FMN1: variants seen among roughly 807,000 people sequenced by gnomAD.
FMN1 encodes formin 1, also known as formin-1.
In FMN1, 110 loss-of-function variants were observed where a neutral mutation model predicts 132.4. The ratio of observed to expected loss-of-function variants is 0.83; its 90% CI spans 0.71 to 0.97. The LOEUF is 0.97. FMN1 is among the 50% of genes least tolerant of loss of function. The pLI is 0.00. For synonymous variants in FMN1, 722 were observed against 651.7 expected (o/e 1.11, Z -1.64); for missense variants, 1,792 against 1,705.3 (o/e 1.05, Z -0.90).
At chr15:33,102,272 T>A (rs554609143) in intron 4 of FMN1, among the ~76,000 whole-genome samples, 14 of 152,278 alleles carry the variant, frequency 9.2e-5, no homozygotes, top group African/African-American at 3.4e-4. Context: ...AAGACATAAT[T>A]TCCCCCTTAA....
At chr15:33,036,064 C>T in intron 6 of FMN1, among the ~76,000 whole-genome samples, 1 of 152,204 alleles carries the variant, frequency 6.6e-6, no homozygotes, top group Non-Finnish European at 1.5e-5. Flanking sequence ...GTACCTTGAT[C>T]TTGAACTTCT....
chr15:32,916,855 C>T (rs959027614), intron 10 of FMN1, among the ~76,000 whole-genome samples: 4 of 152,064 alleles, frequency 2.6e-5, no homozygotes, highest in East Asian at 1.9e-4. Flanking sequence ...TTTCAGAACT[C>T]GACAGAAATT....
chr15:32,911,790 A>T (rs2060567494), intron 10 of FMN1, among the ~76,000 whole-genome samples: 1 of 152,188 alleles, frequency 6.6e-6, no homozygotes, highest in Non-Finnish European at 1.5e-5. Context: ...GTCACCTCAG[A>T]TTCCACCAAG....
At chr15:32,984,295 T>A (rs941222848) in intron 7 of FMN1, among the ~76,000 whole-genome samples, 6 of 152,166 alleles carry the variant, frequency 3.9e-5, no homozygotes, top group African/African-American at 1.4e-4. Context: ...TGCAATAGAT[T>A]AATATTTTTT....
In FMN1 at chr15:33,023,973, A is replaced by C. The variant is rs536482445; in HGVS notation, c.2162-15898T>G. Reference sequence around the variant, plus strand: ...TGAAAGATGGCAGGAGAAACTGATAAGCCACATAAATGGAGAAGACATTTG... The same window carrying C: ...TGAAAGATGGCAGGAGAAACTGATACGCCACATAAATGGAGAAGACATTTG... On this transcript the variant is annotated intron_variant, in intron 6 of 20. Transcript: ENST00000616417. Among the ~76,000 whole-genome samples, 187 of 152,300 alleles carry C rather than the reference A, an allele frequency of 1.2e-3. 1 individual carries two copies. Among genetic ancestry groups the C allele is most frequent in the Non-Finnish European group, 2.0e-3 (137 of 68,022 alleles).
intron 6 of FMN1, among the ~76,000 whole-genome samples, chr15:33,054,616 A>G (rs1393627008): frequency 2.6e-5 from 4 of 152,338 alleles, no homozygotes; most frequent in African/African-American, 4.8e-5. Flanking sequence ...CCTCTTCTAC[A>G]TGAAATGGTC....
At chr15:32,845,494 T>C (rs1303677156) in intron 17 of FMN1, among the ~76,000 whole-genome samples, 1 of 152,192 alleles carries the variant, frequency 6.6e-6, no homozygotes, top group African/African-American at 2.4e-5. Flanking sequence ...TGCTTATTTC[T>C]ATTTACCCCT....
In FMN1 at chr15:33,065,026, GAA is replaced by G; in HGVS notation, c.2090_2091del (p.Leu697ProfsTer22). On this transcript the variant is annotated frameshift_variant, in exon 6 of 21. Transcript: ENST00000616417. LOFTEE classifies it high-confidence loss of function. ...GTCTTTGGGGGTGGCCAGACAGCTT[GAA>G]GTCTGCCAGGAGTCCTGTCATCCTG... The part of the protein sequence containing the change: ...TEQDDRTPGR[L>X]QAVWPPPKTK... 1.2e-6 allele frequency: 2 copies of G among 1,611,934 alleles called. No homozygotes were observed. Among genetic ancestry groups the G allele is most frequent in the Non-Finnish European group, 1.7e-6 (2 of 1,179,018 alleles).
At chr15:33,039,654 CCTT>C (rs2036339628) in intron 6 of FMN1, among the ~76,000 whole-genome samples, 1 of 152,142 alleles carries the variant, frequency 6.6e-6, no homozygotes, top group Non-Finnish European at 1.5e-5. Context: ...CAAATTATCT[CCTT>C]CTGTTCTTTT....
intron 4 of FMN1, among the ~76,000 whole-genome samples, chr15:33,111,810 C>T (rs538671091): frequency 1.3e-5 from 2 of 152,068 alleles, no homozygotes; most frequent in South Asian, 2.1e-4. Flanking sequence ...TGGTGAGTGA[C>T]TTCTGATGGT....
rs2038793214 is a variant in FMN1, at chr15:33,088,690, T to A, written c.2043+109A>T. On this transcript the variant is annotated intron_variant, in intron 5 of 20. Coordinates refer to ENST00000616417, the MANE Select transcript of FMN1 (RefSeq NM_001277313.2). ...CCCACTGATTTTTTTTAAACAATGA[T>A]CCATACATTAAATGCAGCTTTATAT... is the stretch of plus-strand genomic sequence containing the variant. The A allele has an allele frequency of 1.2e-5, 12 of 960,502 alleles. No individual in the cohort carries two copies. The South Asian group carries it at 2.7e-4, about 21-fold the overall frequency. The allele number at this position is 960,502 out of a possible 1,614,324, so 59.5% of individuals were successfully genotyped here. A position where few individuals can be genotyped will look rare whatever the true frequency, so the allele number is the denominator to read the frequency against.
intron 17 of FMN1, among the ~76,000 whole-genome samples, chr15:32,821,449 CTTTTTT>C (rs34336647): frequency 5.6e-4 from 62 of 110,820 alleles, no homozygotes; most frequent in East Asian, 1.1e-3. Flanking sequence ...ATATTTAAAT[CTTTTTT>C]TTTTTTTTTT....
intron 4 of FMN1, among the ~76,000 whole-genome samples, chr15:33,099,842 C>G (rs1403708995): frequency 6.6e-6 from 1 of 152,130 alleles, no homozygotes; most frequent in Non-Finnish European, 1.5e-5. Context: ...TGCATTTTTC[C>G]AAGCTTTGAG....
intron 7 of FMN1, among the ~76,000 whole-genome samples, chr15:32,989,779 G>A (rs1326329598): frequency 6.6e-6 from 1 of 152,146 alleles, no homozygotes; most frequent in East Asian, 1.9e-4. Flanking sequence ...GAGTATATAT[G>A]AAACCACAGA....
intron 9 of FMN1, among the ~76,000 whole-genome samples, chr15:32,951,993 C>T (rs1019989456): frequency 3.9e-5 from 6 of 152,208 alleles, no homozygotes; most frequent in African/African-American, 1.4e-4. Context: ...GGCTCTGAGG[C>T]AAACGCCCAG....
intron 17 of FMN1, among the ~76,000 whole-genome samples, chr15:32,818,871 C>T (rs1433070888): frequency 6.6e-6 from 1 of 151,610 alleles, no homozygotes; most frequent in Non-Finnish European, 1.5e-5. Context: ...CCACCATCTC[C>T]TGTACGCAGG....
At chr15:32,782,879 C>T (rs1478084296) in intron 19 of FMN1, among the ~76,000 whole-genome samples, 2 of 152,156 alleles carry the variant, frequency 1.3e-5, no homozygotes, top group Non-Finnish European at 2.9e-5. Flanking sequence ...AGATCATTAT[C>T]CTAAGTGAAA....
intron 4 of FMN1, among the ~76,000 whole-genome samples, chr15:33,135,912 T>C (rs1200967877): frequency 5.3e-5 from 8 of 152,216 alleles, no homozygotes; most frequent in Non-Finnish European, 1.0e-4. Context: ...CTAGAATGAG[T>C]GTGAGCTCCA....
chr15:33,161,068 T>C (rs1964868835), intron 3 of FMN1, among the ~76,000 whole-genome samples: 1 of 152,274 alleles, frequency 6.6e-6, no homozygotes, highest in South Asian at 2.1e-4. Context: ...TAATTGATTT[T>C]GGCCTTAAAA....
Sources: allele counts gnomAD v4.1 joint callset (sites outside exome capture counted in the v4.1 genomes callset), GRCh38; gene constraint gnomAD v4.1.1; transcripts MANE v1.5; gene names NCBI Gene and HGNC (gene_info 2026-07-23, HGNC 2026-07-21).